The following GAN variants were observed in gnomAD, a reference collection of about 807,000 sequenced individuals.
The protein encoded by GAN is gigaxonin, also known as epididymis secretory sperm binding protein.
A neutral mutation model predicts 71.3 loss-of-function variants in GAN; 48 were observed. The ratio of observed to expected loss-of-function variants is 0.67; its 90% confidence interval spans 0.53 to 0.86. The LOEUF (loss-of-function observed/expected upper bound fraction) is 0.86. Ranked by LOEUF, GAN falls within the 40% of genes least tolerant of loss-of-function variation. The pLI, the probability that GAN is intolerant of heterozygous loss-of-function variation, is 0.00. For synonymous variants in GAN, 386 were observed against 276.8 expected (o/e 1.39, Z -3.92); for missense variants, 928 against 770.1 (o/e 1.21, Z -2.43).
Position 81,326,706 on chromosome 16 carries a change from G to C in GAN, c.167+11426G>C, listed in dbSNP as rs559826943. ...CTACCCACCTAGACTATCTGATGTA[G>C]TCTGTTGCTTCTAGGCCACAGACCT... On this transcript the variant is annotated intron_variant, in intron 1 of 10. Transcript: ENST00000648994. Among the ~76,000 whole-genome samples, 20 of 152,330 alleles carry C rather than the reference G, an allele frequency of 1.3e-4. No homozygotes were observed. The South Asian group carries it at 4.1e-3, about 32-fold the overall frequency.
At chr16:81,320,300 A>G (rs1304003969) in intron 1 of GAN, among the ~76,000 whole-genome samples, 4 of 152,244 alleles carry the variant, frequency 2.6e-5, no homozygotes, top group Non-Finnish European at 4.4e-5. Flanking sequence ...CATGGGCACT[A>G]AAGTCCGTGA....
At chr16:81,339,125 C>T (rs1313405558) in intron 1 of GAN, among the ~76,000 whole-genome samples, 1 of 152,140 alleles carries the variant, frequency 6.6e-6, no homozygotes, top group Non-Finnish European at 1.5e-5. Flanking sequence ...ATTGAAGAAG[C>T]ACCTATTAAC....
intron 9 of GAN, among the ~76,000 whole-genome samples, chr16:81,376,505 G>GTA (rs1420905713): frequency 7.3e-6 from 1 of 137,912 alleles, no homozygotes; most frequent in African/African-American, 3.0e-5. Context: ...GTGTGTGTGT[G>GTA]TGTGTATGTG....
At chr16:81,328,692 C>G (rs1285820212) in intron 1 of GAN, among the ~76,000 whole-genome samples, 1 of 147,322 alleles carries the variant, frequency 6.8e-6, no homozygotes, top group East Asian at 2.0e-4. Context: ...TTAGATCTAT[C>G]ACCATTCCTT....
rs1214107738 is a variant in GAN at position 81,381,488 on chromosome 16, C to G, written c.*3892C>G. 6.6e-6 allele frequency: 1 copy of G among 152,258 alleles called. No homozygotes were observed. Among genetic ancestry groups the G allele is most frequent in the Non-Finnish European group, 1.5e-5 (1 of 68,060 alleles). The allele number at this position is 152,258 out of a possible 1,614,324, so 9.4% of individuals were successfully genotyped here. A position where few individuals can be genotyped will look rare whatever the true frequency, so the allele number is the denominator to read the frequency against. On this transcript the variant is annotated 3_prime_UTR_variant, in exon 11 of 11. Transcript: ENST00000648994. ...GCGGCCCTTTTCCACTGGCTGCTCA[C>G]TGAGCACTGGAGTCCAGGAAGTCAG...
At chr16:81,365,571 TATTAA>T in intron 9 of GAN, 93 bp downstream of exon 9, 1 of 1,251,922 alleles carries the variant, frequency 8.0e-7, no homozygotes, top group Admixed American at 1.7e-5. Context: ...TCAGTCACTT[TATTAA>T]ATTATGGATT....
At chr16:81,361,921 C>T (rs901847814) in intron 5 of GAN, among the ~76,000 whole-genome samples, 2 of 152,184 alleles carry the variant, frequency 1.3e-5, no homozygotes, top group African/African-American at 4.8e-5. Context: ...ACCTCCTGGG[C>T]TCAAGCAGTC....
In GAN at chr16:81,315,093, G is replaced by C; in HGVS notation, c.-21G>C. 1 of 1,472,176 alleles carries C rather than the reference G, an allele frequency of 6.8e-7. No individual in the cohort carries two copies. The highest frequency in any genetic ancestry group is 9.0e-7 in the Non-Finnish European group (1 of 1,106,744). 91.2% of individuals were successfully genotyped at this position (1,472,176 alleles called of 1,614,324 possible). A position where few individuals can be genotyped will look rare whatever the true frequency, so the allele number is the denominator to read the frequency against. On this transcript the variant is annotated 5_prime_UTR_variant, in exon 1 of 11. Transcript: ENST00000648994. ...GACGGTGTCGGGAGCCGGACCCGTC[G>C]GCAGAGGAGCGGGCGCCGCGATGGC...
chr16:81,369,641 G>C lies in GAN; in HGVS notation c.1502+4163G>C, dbSNP rs564393731. 8.7e-4 allele frequency among the ~76,000 whole-genome samples: 133 copies of C among 152,292 alleles called. 1 individual carries two copies. The highest frequency in any genetic ancestry group is 2.9e-5 in the Non-Finnish European group (2 of 68,024). On this transcript the variant is annotated intron_variant, in intron 9 of 10. Coordinates refer to ENST00000648994, the MANE Select transcript of GAN (RefSeq NM_022041.4). ...GAGTCTCACTCTGTTGCCCAGGCTG[G>C]AGTGCAGTGGCGTGATCTCGGCTCA...
intron 9 of GAN, among the ~76,000 whole-genome samples, chr16:81,369,515 T>G (rs185428537): frequency 2.5e-4 from 38 of 152,380 alleles, no homozygotes; most frequent in African/African-American, 8.9e-4. Context: ...TAGCTTGTTT[T>G]TAGGTTTTCC....
In GAN at chr16:81,384,117, G is replaced by A. The variant is rs938137837; in HGVS notation, c.*6521G>A. The A allele has an allele frequency of 1.3e-5, 2 of 151,884 alleles. No homozygotes were observed. The highest frequency in any genetic ancestry group is 6.6e-5 in the Admixed American group (1 of 15,242). The allele number at this position is 151,884 out of a possible 1,614,324, so 9.4% of individuals were successfully genotyped here. A position where few individuals can be genotyped will look rare whatever the true frequency, so the allele number is the denominator to read the frequency against. On this transcript the variant is annotated 3_prime_UTR_variant, in exon 11 of 11. Transcript: ENST00000648994. ...GATGAGAATTACATGCACTTATTCA[G>A]TTGTTCTTTGTGTTTATAGGAAAAA...
rs1904288892 is a variant in GAN at position 81,378,249 on chromosome 16, T to C, written c.*653T>C. 6.4e-6 allele frequency: 1 copy of C among 155,586 alleles called. No homozygotes were observed. The highest frequency in any genetic ancestry group is 2.4e-5 in the African/African-American group (1 of 41,454). 9.6% of individuals were successfully genotyped at this position (155,586 alleles called of 1,614,324 possible). A position where few individuals can be genotyped will look rare whatever the true frequency, so the allele number is the denominator to read the frequency against. ...CTTAGTAATGTAAAGATTCAGTAAA[T>C]TGATGAGTCAGGTTGCAGCCCTCAT... On this transcript the variant is annotated 3_prime_UTR_variant, in exon 11 of 11. Transcript: ENST00000648994.
At chr16:81,369,492 T>G (rs1910966711) in intron 9 of GAN, among the ~76,000 whole-genome samples, 1 of 152,272 alleles carries the variant, frequency 6.6e-6, no homozygotes, top group African/African-American at 2.4e-5. Flanking sequence ...TTATCAATTT[T>G]AAAATGTTTG....
intron 9 of GAN, among the ~76,000 whole-genome samples, chr16:81,370,091 AG>A (rs1471936298): frequency 2.0e-5 from 3 of 152,198 alleles, no homozygotes; most frequent in South Asian, 2.1e-4. Context: ...TTTACTTGTC[AG>A]GGGCAACAGT....
intron 1 of GAN, among the ~76,000 whole-genome samples, chr16:81,343,367 A>G (rs933955135): frequency 6.6e-6 from 1 of 152,236 alleles, no homozygotes; most frequent in African/African-American, 2.4e-5. Flanking sequence ...GAAAATCCTC[A>G]ATAAAATACT....
rs1904374922 is a variant in GAN, at chr16:81,385,553, T to C, written c.*7957T>C. The C allele has an allele frequency of 6.6e-6, 1 of 152,098 alleles. No individual in the cohort carries two copies. Among genetic ancestry groups the C allele is most frequent in the Non-Finnish European group, 1.5e-5 (1 of 68,026 alleles). 9.4% of individuals were successfully genotyped at this position (152,098 alleles called of 1,614,324 possible). ...GTTGTTGTGAGGATTAACTGGGTGA[T>C]GACTGTAAGCAGCTGGGAGAGTGCC... On this transcript the variant is annotated 3_prime_UTR_variant, in exon 11 of 11. Coordinates refer to ENST00000648994, the MANE Select transcript of GAN (RefSeq NM_022041.4).
At chr16:81,334,805 A>G (rs1909701376) in intron 1 of GAN, among the ~76,000 whole-genome samples, 1 of 152,194 alleles carries the variant, frequency 6.6e-6, no homozygotes, top group African/African-American at 2.4e-5. Flanking sequence ...CTTCAGAACC[A>G]CATGAGAATA....
intron 9 of GAN, among the ~76,000 whole-genome samples, chr16:81,371,390 C>G (rs1052378243): frequency 6.6e-6 from 1 of 152,154 alleles, no homozygotes; most frequent in Non-Finnish European, 1.5e-5. Context: ...TGGACTGAAT[C>G]CTGGATATGG....
chr16:81,341,354 A>G (rs758916027), intron 1 of GAN, among the ~76,000 whole-genome samples: 4 of 152,188 alleles, frequency 2.6e-5, no homozygotes, highest in Non-Finnish European at 5.9e-5. Flanking sequence ...CCAAGGTTGA[A>G]ATGAAGGAAA....
Sources: gnomAD v4.1 joint callset for allele counts (sites outside exome capture counted in the v4.1 genomes callset) on GRCh38, gnomAD v4.1.1 for gene constraint, MANE v1.5 for transcripts, NCBI Gene and HGNC (gene_info 2026-07-23, HGNC 2026-07-21) for gene names.